The following ADGRL2 variants were observed in gnomAD, a reference collection of about 807,000 sequenced individuals.
The protein encoded by ADGRL2 is adhesion G protein-coupled receptor L2.
Under a neutral mutation model 157.4 loss-of-function variants are expected in ADGRL2, and 44 were observed. The observed-to-expected ratio is 0.28, with a 90% CI of 0.22 to 0.36. The LOEUF is 0.36. Among genes scored for constraint, ADGRL2 ranks in the 10% least tolerant of loss-of-function variants. The probability of loss-of-function intolerance (pLI) is 1.00; values close to 1 mark genes in which losing one functional copy is unlikely to be tolerated. For synonymous variants in ADGRL2, 585 were observed against 624.7 expected (o/e 0.94, Z 0.95); for missense variants, 1,510 against 1,768.9 (o/e 0.85, Z 2.63).
intron 2 of ADGRL2, among the ~76,000 whole-genome samples, chr1:81,791,601 G>GA (rs923756461): frequency 3.3e-5 from 5 of 150,284 alleles, no homozygotes; most frequent in South Asian, 2.1e-4. Context: ...TGGCACACAG[G>GA]AAAAAAAACG....
At chr1:81,529,837 C>G (rs1011228739) in intron 2 of ADGRL2, among the ~76,000 whole-genome samples, 2 of 152,188 alleles carry the variant, frequency 1.3e-5, no homozygotes, top group African/African-American at 4.8e-5. Flanking sequence ...TCTGCAGTTT[C>G]ACCATCACAC....
chr1:81,554,970 G>A (rs1276504602), intron 2 of ADGRL2, among the ~76,000 whole-genome samples: 2 of 152,048 alleles, frequency 1.3e-5, no homozygotes, highest in East Asian at 3.9e-4. Context: ...AACCAAGCAA[G>A]GGCAGTAGAA....
At chr1:81,475,498 A>G (rs2101889856) in intron 2 of ADGRL2, among the ~76,000 whole-genome samples, 1 of 152,336 alleles carries the variant, frequency 6.6e-6, no homozygotes, top group Non-Finnish European at 1.5e-5. Flanking sequence ...AATTTGTGAA[A>G]AAGAATTAGG....
chr1:81,990,132 T>C (rs1664287489), intron 23 of ADGRL2: 1 of 985,360 alleles, frequency 1.0e-6, no homozygotes, highest in African/African-American at 1.7e-5. Context: ...CAGTACTGTC[T>C]CCTGAAATTG....
intron 2 of ADGRL2, among the ~76,000 whole-genome samples, chr1:81,482,445 T>C (rs2078409955): frequency 6.9e-6 from 1 of 145,178 alleles, no homozygotes; most frequent in Non-Finnish European, 1.5e-5. Flanking sequence ...ACATATAATT[T>C]ATTATTTTAA....
intron 2 of ADGRL2, among the ~76,000 whole-genome samples, chr1:81,892,208 C>G (rs1358610021): frequency 6.6e-6 from 1 of 152,004 alleles, no homozygotes; most frequent in Admixed American, 6.6e-5. Flanking sequence ...AGGGATAGAA[C>G]AAGGATTCCA....
intron 2 of ADGRL2, among the ~76,000 whole-genome samples, chr1:81,489,167 G>T (rs1360054842): frequency 6.6e-6 from 1 of 152,038 alleles, no homozygotes; most frequent in Admixed American, 6.6e-5. Context: ...AACCTGGGAG[G>T]TGGAGGTTGC....
At chr1:81,531,028 G>A (rs1179122536) in intron 2 of ADGRL2, among the ~76,000 whole-genome samples, 2 of 150,786 alleles carry the variant, frequency 1.3e-5, no homozygotes, top group Non-Finnish European at 2.9e-5. Context: ...AGGTTGCAAT[G>A]AGCTGAGATC....
At chr1:81,310,688 A>G (rs768931723) in intron 1 of ADGRL2, among the ~76,000 whole-genome samples, 3 of 152,124 alleles carry the variant, frequency 2.0e-5, no homozygotes, top group Non-Finnish European at 4.4e-5. Context: ...TTTTGCCCAG[A>G]TTAGCCAAGT....
In ADGRL2 at chr1:81,637,240, T is replaced by C. The variant is rs147445477; in HGVS notation, c.-143+56260T>C. On this transcript the variant is annotated intron_variant, in intron 3 of 24. Transcript: ENST00000370721. ...TTTCCAGGTCAGATATCCTGCAAAG[T>C]GCTTTTCATAGGAGCTTGTATACCT... Among the ~76,000 whole-genome samples, 633 of 152,290 alleles carry C rather than the reference T, an allele frequency of 4.2e-3. 1 individual carries two copies. Among genetic ancestry groups the C allele is most frequent in the Non-Finnish European group, 7.6e-3 (518 of 68,024 alleles).
At chr1:81,751,044 G>A (rs551786634) in intron 1 of ADGRL2, among the ~76,000 whole-genome samples, 6 of 152,096 alleles carry the variant, frequency 3.9e-5, no homozygotes, top group South Asian at 4.2e-4. Context: ...AATACAAAAC[G>A]AGCCTGGAAT....
intron 2 of ADGRL2, among the ~76,000 whole-genome samples, chr1:81,489,375 T>A (rs2078581202): frequency 6.6e-6 from 1 of 152,026 alleles, no homozygotes; most frequent in African/African-American, 2.4e-5. Context: ...GACAGAAGAA[T>A]CAGCAAACTT....
intron 2 of ADGRL2, among the ~76,000 whole-genome samples, chr1:81,491,342 T>C (rs2078628953): frequency 6.6e-6 from 1 of 152,152 alleles, no homozygotes. Context: ...CTAGGTGAGA[T>C]TCTCTATACA....
intron 2 of ADGRL2, among the ~76,000 whole-genome samples, chr1:81,503,645 G>T (rs923756777): frequency 2.6e-5 from 4 of 152,168 alleles, no homozygotes; most frequent in African/African-American, 7.2e-5. Context: ...TACTCCGGGG[G>T]CAGGGAGAGG....
chr1:81,411,905 GA>G (rs1369805130), intron 1 of ADGRL2, among the ~76,000 whole-genome samples: 13 of 149,580 alleles, frequency 8.7e-5, no homozygotes, highest in African/African-American at 3.2e-4. Context: ...AAAGTTTTAA[GA>G]AAGGTGAATC....
chr1:81,718,889 A>G (rs551942291), intron 1 of ADGRL2, among the ~76,000 whole-genome samples: 47 of 152,370 alleles, frequency 3.1e-4, no homozygotes, highest in African/African-American at 1.1e-3. Flanking sequence ...AGCCTCAGAA[A>G]TTAGCCCCAA....
At chr1:81,447,243 A>G (rs2077615214) in intron 2 of ADGRL2, among the ~76,000 whole-genome samples, 1 of 152,158 alleles carries the variant, frequency 6.6e-6, no homozygotes, top group Non-Finnish European at 1.5e-5. Context: ...TGACTTAAAG[A>G]TATAATTCAG....
At position 81,788,841 on chromosome 1, in the gene ADGRL2, G is replaced by T. The variant is rs139685886; in HGVS notation, c.-101+26989G>T. Among the ~76,000 whole-genome samples, 1,460 of 152,044 alleles carry T rather than the reference G, an allele frequency of 9.6e-3. 21 individuals are homozygous for T. The highest frequency in any genetic ancestry group is 0.034 in the African/African-American group (1,399 of 41,476). On this transcript the variant is annotated intron_variant, in intron 2 of 20. Coordinates refer to the ADGRL2 transcript ENST00000359929. ...AGTGATTCTCCTGCTTCAGCCTCCC[G>T]AGTAGCTGGGATTACAGGCATGTGC...
intron 1 of ADGRL2, among the ~76,000 whole-genome samples, chr1:81,350,209 G>C (rs1662783107): frequency 6.6e-6 from 1 of 152,134 alleles, no homozygotes; most frequent in African/African-American, 2.4e-5. Context: ...GAGTTCATAA[G>C]TGCATAGCTA....
Sources: allele counts gnomAD v4.1 joint callset (sites outside exome capture counted in the v4.1 genomes callset), GRCh38; gene constraint gnomAD v4.1.1; transcripts MANE v1.5; gene names NCBI Gene and HGNC (gene_info 2026-07-23, HGNC 2026-07-21).